The following DPYD variants were observed in gnomAD, a reference collection of about 807,000 sequenced individuals.
DPYD encodes the protein dihydropyrimidine dehydrogenase [NADP(+)].
In DPYD, 109 loss-of-function variants were observed where a neutral mutation model predicts 116.2. The observed-to-expected ratio is 0.94, with a 90% CI of 0.80 to 1.10. The LOEUF (loss-of-function observed/expected upper bound fraction) is 1.10. DPYD is among the 50% of genes least tolerant of loss of function. The pLI, the probability that DPYD is intolerant of heterozygous loss-of-function variation, is 0.00. For synonymous variants in DPYD, 440 were observed against 432.0 expected, an observed-to-expected ratio of 1.02 and a Z score of -0.23; for missense variants, 1,302 against 1,254.5, an observed-to-expected ratio of 1.04 and a Z score of -0.57.
intron 8 of DPYD, among the ~76,000 whole-genome samples, chr1:97,660,733 C>G (rs1659205095): frequency 6.6e-6 from 1 of 152,164 alleles, no homozygotes; most frequent in Non-Finnish European, 1.5e-5. Context: ...AAAGTGAACT[C>G]ACTTGGCTGA....
intron 20 of DPYD, among the ~76,000 whole-genome samples, chr1:97,134,005 AAAAAAAAAAATATAT>A (rs1447500081): frequency 8.8e-5 from 3 of 34,012 alleles, no homozygotes; most frequent in Admixed American, 9.0e-4. Flanking sequence ...TTTCAAAAAA[AAAAAAAAAAATATAT>A]ATATATATAT....
At chr1:97,202,557 T>G (rs1557934812) in intron 19 of DPYD, among the ~76,000 whole-genome samples, 1 of 152,172 alleles carries the variant, frequency 6.6e-6, no homozygotes, top group Non-Finnish European at 1.5e-5. Flanking sequence ...TCATCAATTC[T>G]CCAAGTATTT....
intron 16 of DPYD, among the ~76,000 whole-genome samples, chr1:97,312,381 C>T (rs1222499082): frequency 6.6e-6 from 1 of 151,742 alleles, no homozygotes; most frequent in Non-Finnish European, 1.5e-5. Context: ...ATGTAAAGCT[C>T]ATCTTATAAG....
intron 20 of DPYD, among the ~76,000 whole-genome samples, chr1:97,102,548 A>G (rs921654766): frequency 8.0e-5 from 12 of 150,118 alleles, no homozygotes; most frequent in Admixed American, 2.7e-4. Context: ...CAACTGACAG[A>G]CTAAAGGATA....
intron 18 of DPYD, among the ~76,000 whole-genome samples, chr1:97,284,172 G>A (rs1026354624): frequency 1.3e-5 from 2 of 151,988 alleles, no homozygotes; most frequent in African/African-American, 4.8e-5. Flanking sequence ...TGTTACATGT[G>A]TCACACATAA....
At chr1:97,598,601 AAGGG>A (rs1241646412) in intron 8 of DPYD, among the ~76,000 whole-genome samples, 2 of 143,966 alleles carry the variant, frequency 1.4e-5, no homozygotes, top group Non-Finnish European at 3.1e-5. Context: ...TCTGAAAAAG[AAGGG>A]AGGGAGGGAG....
intron 13 of DPYD, among the ~76,000 whole-genome samples, chr1:97,480,634 G>A (rs987655097): frequency 3.9e-5 from 6 of 152,288 alleles, no homozygotes; most frequent in Non-Finnish European, 8.8e-5. Context: ...ATTATTTAAT[G>A]TTTAACCTTG....
intron 14 of DPYD, among the ~76,000 whole-genome samples, chr1:97,443,604 T>C (rs1275659072): frequency 6.6e-6 from 1 of 152,236 alleles, no homozygotes; most frequent in Non-Finnish European, 1.5e-5. Context: ...TTTCTCTTTG[T>C]GAATATCCTC....
intron 16 of DPYD, among the ~76,000 whole-genome samples, chr1:97,361,026 T>C (rs901737851): frequency 1.3e-5 from 2 of 151,954 alleles, no homozygotes; most frequent in Admixed American, 1.3e-4. Flanking sequence ...TCTGGCTTTT[T>C]GAAAAGATCA....
At chr1:97,894,540 A>G (rs757142788) in intron 1 of DPYD, among the ~76,000 whole-genome samples, 4 of 151,894 alleles carry the variant, frequency 2.6e-5, no homozygotes, top group African/African-American at 7.2e-5. Flanking sequence ...AAACTTCAGA[A>G]TAACCAAAGG....
intron 20 of DPYD, among the ~76,000 whole-genome samples, chr1:97,117,011 A>G (rs2101635618): frequency 6.6e-6 from 1 of 151,882 alleles, no homozygotes; most frequent in Admixed American, 6.6e-5. Flanking sequence ...AAAAAAAAAA[A>G]AAATTAGCCA....
chr1:97,660,849 T>C (rs535196876), intron 8 of DPYD, among the ~76,000 whole-genome samples: 1 of 152,308 alleles, frequency 6.6e-6, no homozygotes, highest in East Asian at 1.9e-4. Context: ...ATGTTCTTCT[T>C]TTCTGGTCTC....
intron 10 of DPYD, among the ~76,000 whole-genome samples, chr1:97,581,186 G>C (rs1315528196): frequency 2.0e-5 from 3 of 150,328 alleles, no homozygotes; most frequent in Admixed American, 6.6e-5. Flanking sequence ...AAATTAGCTG[G>C]GGTGGTGGCG....
intron 3 of DPYD, among the ~76,000 whole-genome samples, chr1:97,810,347 G>A (rs992377731): frequency 3.3e-5 from 5 of 150,244 alleles, no homozygotes; most frequent in African/African-American, 7.4e-5. Context: ...TACCCATCTC[G>A]CTTAATACAA....
rs28514964 is a variant in DPYD, at chr1:97,302,285, A to G, written c.2299+2974T>C. ...GAGCTGAATCAGCCATCCTTGTTTG[A>G]TAAAAAATATTCCTTTTGGATACCA... On this transcript the variant is annotated intron_variant, in intron 18 of 22. Transcript: ENST00000370192. Among the ~76,000 whole-genome samples the G allele has an allele frequency of 2.5e-3, 382 of 152,130 alleles. 1 individual carries two copies. Among genetic ancestry groups the G allele is most frequent in the Non-Finnish European group, 4.4e-3 (302 of 67,924 alleles).
chr1:97,368,900 G>T (rs1185012393), intron 16 of DPYD, among the ~76,000 whole-genome samples: 1 of 152,148 alleles, frequency 6.6e-6, no homozygotes, highest in African/African-American at 2.4e-5. Flanking sequence ...GCCATATCTT[G>T]TCATTATTTT....
intron 16 of DPYD, among the ~76,000 whole-genome samples, chr1:97,310,545 C>T (rs74104348): frequency 1.5e-3 from 224 of 151,828 alleles, no homozygotes; most frequent in African/African-American, 5.3e-3. Flanking sequence ...GTTCCAGGCA[C>T]AATTATAATA....
At chr1:97,822,713 T>A (rs1365696149) in intron 3 of DPYD, among the ~76,000 whole-genome samples, 1 of 152,148 alleles carries the variant, frequency 6.6e-6, no homozygotes, top group Non-Finnish European at 1.5e-5. Context: ...CACCATTCCA[T>A]CTCTAGCCAT....
chr1:97,377,888 G>A lies in DPYD; in HGVS notation c.1975-4244C>T, dbSNP rs1199621574. Among the ~76,000 whole-genome samples, 3 of 152,292 alleles carry A rather than the reference G, an allele frequency of 2.0e-5. 1 individual carries two copies. The highest frequency in any genetic ancestry group is 4.1e-4 in the South Asian group (2 of 4,828). ...CCAGTGGCATGGTGTGGTATATCAC[G>A]GTCCAAGTGGGAAGGGAAGACGTCC... On this transcript the variant is annotated intron_variant, in intron 15 of 22. Transcript: ENST00000370192.
Sources: gnomAD v4.1 joint callset for allele counts (sites outside exome capture counted in the v4.1 genomes callset) on GRCh38, gnomAD v4.1.1 for gene constraint, MANE v1.5 for transcripts, NCBI Gene and HGNC (gene_info 2026-07-23, HGNC 2026-07-21) for gene names.